The following GXYLT1 variants were observed in gnomAD, a reference collection of about 807,000 sequenced individuals.
GXYLT1 encodes the protein glycosyltransferase 8 domain containing 3.
GXYLT1 carries 29 observed loss-of-function variants against 54.0 expected under a neutral mutation model. The observed-to-expected ratio is 0.54, with a 90% CI of 0.40 to 0.73. The LOEUF (loss-of-function observed/expected upper bound fraction) is 0.73, where lower values mean the gene tolerates loss of function less well. GXYLT1 is among the 30% of genes least tolerant of loss of function. GXYLT1 has a pLI of 0.00. For missense variants in GXYLT1, 490 were observed against 553.4 expected, an observed-to-expected ratio of 0.89 and a Z score of 1.15; for synonymous variants, 176 against 204.1, an observed-to-expected ratio of 0.86 and a Z score of 1.17.
rs540096811 is a variant in GXYLT1 at position 42,123,621 on chromosome 12, A to G, written c.315-4450T>C. ...AAATTTCTGCTATAAAGGAATCATA[A>G]TAACTTTTTTGATTTTGTTTTATTT... On this transcript the variant is annotated intron_variant, in intron 2 of 7. Transcript: ENST00000398675. Among the ~76,000 whole-genome samples the G allele has an allele frequency of 5.3e-5, 8 of 151,616 alleles. No homozygotes were observed. In the East Asian group the frequency reaches 1.2e-3, roughly 23 times the overall value.
At chr12:42,140,253 A>C (rs1592129943) in intron 1 of GXYLT1, among the ~76,000 whole-genome samples, 1 of 144,256 alleles carries the variant, frequency 6.9e-6, no homozygotes, top group Middle Eastern at 3.8e-3. Context: ...TGCCCAAACT[A>C]TTCTCAATTT....
At chr12:42,113,004 A>G (rs2065468564) in intron 3 of GXYLT1, among the ~76,000 whole-genome samples, 1 of 151,248 alleles carries the variant, frequency 6.6e-6, no homozygotes, top group South Asian at 2.1e-4. Context: ...AGTATTTTCA[A>G]CCCGGAATTT....
chr12:42,126,224 C>A lies in GXYLT1; in HGVS notation c.314+3535G>T, dbSNP rs1295299393. On this transcript the variant is annotated intron_variant, in intron 2 of 7. Coordinates refer to ENST00000398675, the MANE Select transcript of GXYLT1 (RefSeq NM_173601.2). ...AAGTAGCTTGAACTAAAGTTGCGCGCCACCATGCCTGGCTAATTTTTGTAT... is the reference window on the plus strand; with the variant it reads ...AAGTAGCTTGAACTAAAGTTGCGCGACACCATGCCTGGCTAATTTTTGTAT... 2.6e-5 allele frequency among the ~76,000 whole-genome samples: 4 copies of A among 152,116 alleles called. No individual in the cohort carries two copies. The East Asian group carries it at 7.7e-4, about 29-fold the overall frequency.
chr12:42,111,984 T>A (rs2065459805), intron 3 of GXYLT1, among the ~76,000 whole-genome samples: 1 of 152,152 alleles, frequency 6.6e-6, no homozygotes, highest in Non-Finnish European at 1.5e-5. Flanking sequence ...TTCACCAATA[T>A]CTGCTGTTCT....
At chr12:42,138,430 C>G (rs1328171427) in intron 1 of GXYLT1, among the ~76,000 whole-genome samples, 16 of 152,092 alleles carry the variant, frequency 1.1e-4, no homozygotes, top group Admixed American at 9.8e-4. Context: ...ATAAATGACA[C>G]TGAAACAATC....
intron 3 of GXYLT1, among the ~76,000 whole-genome samples, chr12:42,115,813 C>T (rs1486163234): frequency 3.3e-5 from 5 of 150,598 alleles, no homozygotes; most frequent in Admixed American, 6.6e-5. Flanking sequence ...AAAGAGCCTG[C>T]GTCGCCAAGT....
chr12:42,107,728 CTG>C (rs1284816016), intron 4 of GXYLT1, among the ~76,000 whole-genome samples: 3 of 151,960 alleles, frequency 2.0e-5, no homozygotes, highest in Admixed American at 2.0e-4. Context: ...TGGGTGGAGT[CTG>C]TATGTCTATC....
chr12:42,116,104 C>A (rs1165319395), intron 3 of GXYLT1, among the ~76,000 whole-genome samples: 1 of 152,002 alleles, frequency 6.6e-6, no homozygotes, highest in Non-Finnish European at 1.5e-5. Context: ...TGGATCCCTT[C>A]CTTACACCTT....
Position 42,119,116 on chromosome 12 carries a change from C to G in GXYLT1, c.370G>C (p.Gly124Arg). 1 of 1,613,926 alleles carries G rather than the reference C, an allele frequency of 6.2e-7. No homozygotes were observed. Among genetic ancestry groups the G allele is most frequent in the East Asian group, 2.2e-5 (1 of 44,890 alleles). ...GTCATAGTTTCTTCCAGTCTTTCAC[C>G]ACAGGCAACTACAGCTAGATGCATT... ...EKMHLAVVACGERLEETMTML... is the reference protein window; with the variant it reads ...EKMHLAVVACRERLEETMTML... The change falls in exon 3 of 8, where the codon GGT becomes CGT. Residue 124 changes from glycine (G) to arginine (R), a missense_variant. By Grantham distance (125) the Gly-to-Arg change is moderately radical (BLOSUM62 -2). Transcript: ENST00000398675.
chr12:42,105,081 G>T (rs2065411622), intron 5 of GXYLT1, among the ~76,000 whole-genome samples: 1 of 152,160 alleles, frequency 6.6e-6, no homozygotes, highest in South Asian at 2.1e-4. Flanking sequence ...GTTAAGTACT[G>T]CACAGGAGGC....
At chr12:42,095,793 T>G (rs965675032) in intron 7 of GXYLT1, among the ~76,000 whole-genome samples, 24 of 152,150 alleles carry the variant, frequency 1.6e-4, no homozygotes, top group Admixed American at 2.0e-4. Flanking sequence ...AACGAATGAA[T>G]CCAATTGTAT....
chr12:42,105,725 T>A, intron 5 of GXYLT1, 93 bp downstream of exon 5: 1 of 827,350 alleles, frequency 1.2e-6, no homozygotes, highest in South Asian at 1.8e-5. Context: ...TTATTTATAG[T>A]TCAATTTAGT....
chr12:42,141,190 AG>A (rs1435083714), intron 1 of GXYLT1, among the ~76,000 whole-genome samples: 1 of 152,210 alleles, frequency 6.6e-6, no homozygotes, highest in Non-Finnish European at 1.5e-5. Flanking sequence ...CATGCAACCC[AG>A]GCAAGTCCAA....
chr12:42,122,823 G>A (rs192296164), intron 2 of GXYLT1, among the ~76,000 whole-genome samples: 1 of 152,208 alleles, frequency 6.6e-6, no homozygotes, highest in African/African-American at 2.4e-5. Context: ...TATTATAAAG[G>A]AGATAAAAGC....
chr12:42,112,061 C>G (rs1425825841), intron 3 of GXYLT1, among the ~76,000 whole-genome samples: 3 of 150,154 alleles, frequency 2.0e-5, no homozygotes, highest in Non-Finnish European at 3.0e-5. Flanking sequence ...CTCCAAACTC[C>G]AACAGACCTG....
intron 1 of GXYLT1, among the ~76,000 whole-genome samples, chr12:42,131,476 T>C (rs958952067): frequency 2.0e-5 from 3 of 152,226 alleles, no homozygotes; most frequent in African/African-American, 4.8e-5. Flanking sequence ...CTGGCACTGG[T>C]GGTTTTTAAA....
chr12:42,093,749 G>C (rs1016803321), intron 7 of GXYLT1, among the ~76,000 whole-genome samples: 1 of 152,076 alleles, frequency 6.6e-6, no homozygotes, highest in Non-Finnish European at 1.5e-5. Context: ...GGCTGAGGGA[G>C]TTGCCTCAGC....
chr12:42,116,110 A>AC (rs2065493017), intron 3 of GXYLT1, among the ~76,000 whole-genome samples: 1 of 152,044 alleles, frequency 6.6e-6, no homozygotes, highest in Non-Finnish European at 1.5e-5. Context: ...CCTTCCTTAC[A>AC]CCTTACACAA....
At chr12:42,135,010 C>T (rs2065611710) in intron 1 of GXYLT1, among the ~76,000 whole-genome samples, 1 of 152,216 alleles carries the variant, frequency 6.6e-6, no homozygotes, top group African/African-American at 2.4e-5. Flanking sequence ...GATTATACAA[C>T]CCTATTCATT....
Sources: allele counts gnomAD v4.1 joint callset (sites outside exome capture counted in the v4.1 genomes callset), GRCh38; gene constraint gnomAD v4.1.1; transcripts MANE v1.5; gene names NCBI Gene and HGNC (gene_info 2026-07-23, HGNC 2026-07-21).